CNTNAP3B: variants seen among roughly 807,000 people sequenced by gnomAD.
CNTNAP3B encodes contactin-associated protein-like 3B.
CNTNAP3B carries 25 observed loss-of-function variants against 108.9 expected under a neutral mutation model. That is an observed-to-expected ratio of 0.23 (90% confidence interval 0.17 to 0.32). The LOEUF (loss-of-function observed/expected upper bound fraction) is 0.32. Ranked by LOEUF, CNTNAP3B falls within the 10% of genes least tolerant of loss-of-function variation. CNTNAP3B has a pLI of 1.00. For missense variants in CNTNAP3B, 252 were observed against 1,210.4 expected, an observed-to-expected ratio of 0.21 and a Z score of 11.75; for synonymous variants, 103 against 473.4, an observed-to-expected ratio of 0.22 and a Z score of 10.16.
At chr9:41,923,579 T>A (rs1396726608) in intron 16 of CNTNAP3B, among the ~76,000 whole-genome samples, 4 of 152,296 alleles carry the variant, frequency 2.6e-5, no homozygotes, top group African/African-American at 9.6e-5. Flanking sequence ...CTGGTCAACA[T>A]GGCAAAACCC....
intron 3 of CNTNAP3B, among the ~76,000 whole-genome samples, chr9:42,055,279 A>G (rs1398141796): frequency 8.8e-6 from 1 of 114,014 alleles, no homozygotes; most frequent in East Asian, 3.2e-4. Flanking sequence ...GAAATATTTC[A>G]TATTTACATG....
chr9:41,967,622 A>C (rs1277638827), intron 10 of CNTNAP3B, among the ~76,000 whole-genome samples: 1 of 152,412 alleles, frequency 6.6e-6, no homozygotes, highest in South Asian at 2.1e-4. Flanking sequence ...GTGAATTTTC[A>C]GTATTTTCAG....
chr9:41,942,636 T>TAAAA (rs534894864), intron 13 of CNTNAP3B, among the ~76,000 whole-genome samples: 851 of 144,362 alleles, frequency 5.9e-3, no homozygotes, highest in African/African-American at 0.021. Flanking sequence ...ATAAAAACAT[T>TAAAA]AAAAAAAAAA....
At position 41,921,461 on chromosome 9, in the gene CNTNAP3B, A is replaced by T. The variant is rs577154425; in HGVS notation, c.2756-1152T>A. Among the ~76,000 whole-genome samples, 7 of 149,546 alleles carry T rather than the reference A, an allele frequency of 4.7e-5. No individual in the cohort carries two copies. In the East Asian group the frequency reaches 1.4e-3, roughly 29 times the overall value. On this transcript the variant is annotated intron_variant, in intron 17 of 23. Transcript: ENST00000377561. ...TTCACGTGTAGCATTTAGTACCTGG[A>T]AGTTGTATCTACCCTCCCCTGTAAA... is the stretch of plus-strand genomic sequence containing the variant.
chr9:42,037,440 C>G (rs1395496280), intron 3 of CNTNAP3B, among the ~76,000 whole-genome samples: 1 of 129,536 alleles, frequency 7.7e-6, no homozygotes, highest in Admixed American at 7.8e-5. Context: ...CCTTAAATGA[C>G]CTGATGGAGC....
At chr9:42,061,317 CTTTT>C (rs57755649) in intron 3 of CNTNAP3B, among the ~76,000 whole-genome samples, 1 of 93,070 alleles carries the variant, frequency 1.1e-5, no homozygotes, top group African/African-American at 4.9e-5. Context: ...TTTTCTTTTT[CTTTT>C]TTTTTTTTTT....
intron 15 of CNTNAP3B, among the ~76,000 whole-genome samples, chr9:41,925,260 A>G (rs970950524): frequency 4.7e-5 from 7 of 150,290 alleles, no homozygotes; most frequent in African/African-American, 1.5e-4. Context: ...AAGCTCTGTC[A>G]TTCCTTCCAC....
intron 8 of CNTNAP3B, among the ~76,000 whole-genome samples, chr9:41,990,606 C>A (rs1171976612): frequency 7.6e-6 from 1 of 132,164 alleles, no homozygotes; most frequent in African/African-American, 3.0e-5. Flanking sequence ...GTATGATATC[C>A]CCCTGGTCTC....
intron 13 of CNTNAP3B, among the ~76,000 whole-genome samples, chr9:41,939,809 G>T (rs1374348578): frequency 6.6e-6 from 1 of 152,228 alleles, no homozygotes; most frequent in Non-Finnish European, 1.5e-5. Flanking sequence ...ATGTAAGTGG[G>T]TGAACTTCTA....
intron 3 of CNTNAP3B, among the ~76,000 whole-genome samples, chr9:42,060,914 TTGTTTA>T (rs1355089793): frequency 1.2e-5 from 1 of 86,462 alleles, no homozygotes; most frequent in African/African-American, 5.1e-5. Context: ...TTTGTCTATT[TTGTTTA>T]TATGTTATAT....
At chr9:41,947,515 C>A (rs1235380379) in intron 13 of CNTNAP3B, among the ~76,000 whole-genome samples, 2 of 152,082 alleles carry the variant, frequency 1.3e-5, no homozygotes, top group Non-Finnish European at 2.9e-5. Context: ...TACAACATAT[C>A]AAAATATGTG....
chr9:42,108,581 A>G (rs943537373), intron 1 of CNTNAP3B, among the ~76,000 whole-genome samples: 1 of 130,294 alleles, frequency 7.7e-6, no homozygotes, highest in African/African-American at 3.1e-5. Flanking sequence ...TTGAGAGAGA[A>G]GTAGAGATAA....
intron 3 of CNTNAP3B, among the ~76,000 whole-genome samples, chr9:42,032,426 T>C: frequency 8.0e-6 from 1 of 124,838 alleles, no homozygotes; most frequent in Admixed American, 8.3e-5. Flanking sequence ...CTGAGGTACA[T>C]GAAATATTAC....
chr9:42,019,176 TG>T (rs1255748585), intron 3 of CNTNAP3B, among the ~76,000 whole-genome samples: 2 of 91,756 alleles, frequency 2.2e-5, no homozygotes, highest in African/African-American at 4.5e-5. Flanking sequence ...CATGCAAAAC[TG>T]TTTCTTATTT....
chr9:42,012,131 G>T (rs1422910062), intron 4 of CNTNAP3B, among the ~76,000 whole-genome samples: 1 of 100,156 alleles, frequency 1.0e-5, no homozygotes, highest in African/African-American at 3.8e-5. Flanking sequence ...ATGGCAAATC[G>T]CCATCAAAGA....
intron 1 of CNTNAP3B, among the ~76,000 whole-genome samples, chr9:42,124,549 G>A (rs2572463): frequency 0.83 from 99,060 of 119,680 alleles, 43,963 homozygotes; most frequent in East Asian, 0.87. Flanking sequence ...CATGTGCACA[G>A]TCATGTACAA....
chr9:41,934,958 T>C (rs1824110857), intron 14 of CNTNAP3B, among the ~76,000 whole-genome samples: 1 of 152,282 alleles, frequency 6.6e-6, no homozygotes, highest in African/African-American at 2.4e-5. Flanking sequence ...AGTAAAATAA[T>C]ATTACAGTTA....
chr9:42,076,878 T>C lies in CNTNAP3B; in HGVS notation c.381A>G (p.Glu127=), dbSNP rs1461974947. The C allele has an allele frequency of 6.5e-7, 1 of 1,539,706 alleles. No individual in the cohort carries two copies. Among genetic ancestry groups the C allele is most frequent in the East Asian group, 2.4e-5 (1 of 41,702 alleles). Residue 127 remains glutamate, a synonymous_variant, in exon 3 of 24, where the codon GAA becomes GAG. Transcript: ENST00000377561. Reference sequence around the variant, plus strand: ...GTTATTAGAAACATACCCAGATGCTTTCTTCTCGGCGATACTGCTTCCAGT... The same window carrying C: ...GTTATTAGAAACATACCCAGATGCTCTCTTCTCGGCGATACTGCTTCCAGT... ...GRNWKQYRRE[E]SIWGFPGNTN...
chr9:42,017,118 T>C (rs561263099), intron 3 of CNTNAP3B, among the ~76,000 whole-genome samples: 223 of 143,100 alleles, frequency 1.6e-3, no homozygotes, highest in Non-Finnish European at 1.7e-3. Context: ...ATCTGTGGCT[T>C]GGAGTCCACT....
Sources: gnomAD v4.1 joint callset for allele counts (sites outside exome capture counted in the v4.1 genomes callset) on GRCh38, gnomAD v4.1.1 for gene constraint, MANE v1.5 for transcripts, NCBI Gene and HGNC (gene_info 2026-07-23, HGNC 2026-07-21) for gene names.